COL9A1: variants seen among roughly 807,000 people sequenced by gnomAD.
COL9A1 encodes the protein collagen type IX alpha 1 chain.
COL9A1 carries 104 observed loss-of-function variants against 142.6 expected under a neutral mutation model. That is an observed-to-expected ratio of 0.73 (90% CI 0.62 to 0.86). The LOEUF is 0.86. Among genes scored for constraint, COL9A1 ranks in the 40% least tolerant of loss-of-function variants. The pLI is 0.00. For missense variants in COL9A1, 1,210 were observed against 1,176.6 expected (o/e 1.03, Z -0.42); for synonymous variants, 466 against 396.0 (o/e 1.18, Z -2.10).
At chr6:70,215,078 TTTAA>T (rs1316338014), downstream of COL9A1, 1 of 152,206 alleles carries the variant, frequency 6.6e-6, no homozygotes, top group Non-Finnish European at 1.5e-5. Flanking sequence ...TATGCCTTTA[TTTAA>T]TTATGTGTCA....
At chr6:70,272,841 C>T (rs2127591581) in intron 12 of COL9A1, among the ~76,000 whole-genome samples, 1 of 152,222 alleles carries the variant, frequency 6.6e-6, no homozygotes, top group East Asian at 1.9e-4. Context: ...TAATAATATG[C>T]TCGTTGAAAT....
intron 4 of COL9A1, among the ~76,000 whole-genome samples, chr6:70,298,659 T>C (rs960817): frequency 4.0e-4 from 61 of 152,172 alleles, no homozygotes; most frequent in Non-Finnish European, 4.0e-4. Flanking sequence ...AATCAATCTC[T>C]GAACTTAAGA....
intron 6 of COL9A1, 145 bp from the exon 7 acceptor site, chr6:70,283,063 C>T (rs1241962826): frequency 6.3e-7 from 1 of 1,588,694 alleles, no homozygotes; most frequent in Non-Finnish European, 8.5e-7. Flanking sequence ...GCCCGCCGCC[C>T]GCCGCTAATC....
At chr6:70,238,088 T>G (rs979653893) in intron 33 of COL9A1, among the ~76,000 whole-genome samples, 3 of 152,208 alleles carry the variant, frequency 2.0e-5, no homozygotes, top group Non-Finnish European at 2.9e-5. Flanking sequence ...AAGAATCTGA[T>G]TTTATTCTTA....
chr6:70,270,710 A>G (rs1562316804), intron 14 of COL9A1, among the ~76,000 whole-genome samples: 1 of 152,216 alleles, frequency 6.6e-6, no homozygotes. Flanking sequence ...GACCTAGAGC[A>G]ACCTATACTG....
intron 1 of COL9A1, among the ~76,000 whole-genome samples, chr6:70,302,488 A>G (rs1017895549): frequency 6.6e-6 from 1 of 152,082 alleles, no homozygotes; most frequent in Admixed American, 6.6e-5. Flanking sequence ...GATTACAAGC[A>G]TAAGCCACCG....
intron 5 of COL9A1, among the ~76,000 whole-genome samples, chr6:70,292,824 T>C (rs908658261): frequency 2.0e-5 from 3 of 152,188 alleles, no homozygotes; most frequent in African/African-American, 7.2e-5. Context: ...GCAAAGATCT[T>C]GCTGCACAGA....
chr6:70,283,488 C>T (rs1049964671), intron 6 of COL9A1, among the ~76,000 whole-genome samples: 1 of 152,166 alleles, frequency 6.6e-6, no homozygotes, highest in Admixed American at 6.5e-5. Context: ...CCATAAGCTA[C>T]CAAAGGGACA....
intron 4 of COL9A1, 70 bp from the exon 5 acceptor site, chr6:70,294,633 T>C: frequency 1.4e-6 from 2 of 1,467,324 alleles, no homozygotes; most frequent in Non-Finnish European, 1.9e-6. Flanking sequence ...CCACATTCCC[T>C]TTTGAGGCCA....
At chr6:70,221,733 A>T (rs533375129) in intron 37 of COL9A1, among the ~76,000 whole-genome samples, 9 of 152,308 alleles carry the variant, frequency 5.9e-5, no homozygotes, top group African/African-American at 2.2e-4. Flanking sequence ...TGAGTGCACA[A>T]AGAGGAAGTC....
chr6:70,229,048 A>G, intron 36 of COL9A1, among the ~76,000 whole-genome samples: 1 of 152,278 alleles, frequency 6.6e-6, no homozygotes, highest in East Asian at 1.9e-4. Context: ...TAAAAGCTAA[A>G]CTTGTTTGTA....
At chr6:70,258,504 G>C (rs534807272) in intron 20 of COL9A1, 19 of 152,312 alleles carry the variant, frequency 1.2e-4, no homozygotes, top group African/African-American at 4.6e-4. Flanking sequence ...GAAATTCTTT[G>C]ATCCCTAAAA....
intron 33 of COL9A1, among the ~76,000 whole-genome samples, chr6:70,236,144 T>G (rs1769895951): frequency 7.1e-6 from 1 of 140,782 alleles, no homozygotes; most frequent in Non-Finnish European, 1.5e-5. Context: ...AAAAAAAACT[T>G]GACCAAAGAA....
intron 5 of COL9A1, among the ~76,000 whole-genome samples, chr6:70,290,271 A>G (rs1372021487): frequency 3.3e-5 from 5 of 152,190 alleles, no homozygotes; most frequent in African/African-American, 4.8e-5. Context: ...CAAACAATAA[A>G]GAATCTGTCA....
chr6:70,274,956 TG>T lies in COL9A1; in HGVS notation c.976-185del, dbSNP rs1186449889. Reference sequence around the variant, plus strand: ...AGTAAAGATTAACAGAAGATCTGCCTGTTGTGATTATTTCTTCTTGATAAGT... The same window carrying T: ...AGTAAAGATTAACAGAAGATCTGCCTTTGTGATTATTTCTTCTTGATAAGT... On this transcript the variant is annotated intron_variant, in intron 10 of 37. Coordinates refer to ENST00000357250, the MANE Select transcript of COL9A1 (RefSeq NM_001851.6). 3 of 596,278 alleles carry T rather than the reference TG, an allele frequency of 5.0e-6. No homozygotes were observed. In the African/African-American group the frequency reaches 5.6e-5, roughly 11 times the overall value. 36.9% of individuals were successfully genotyped at this position (596,278 alleles called of 1,614,324 possible).
In COL9A1 at chr6:70,252,408, A is replaced by G. The variant is rs1375497195; in HGVS notation, c.1765-93T>C. ...CCAGACTGGGATCTCTTACATTTGA[A>G]TAGCATTAATTCCCTGCTTTCACAC... On this transcript the variant is annotated intron_variant, in intron 26 of 37. Transcript: ENST00000357250. 1.5e-5 allele frequency: 16 copies of G among 1,081,068 alleles called. No individual in the cohort carries two copies. The East Asian group carries it at 3.3e-4, about 23-fold the overall frequency. The allele number at this position is 1,081,068 out of a possible 1,614,324, so 67.0% of individuals were successfully genotyped here.
intron 37 of COL9A1, among the ~76,000 whole-genome samples, chr6:70,221,897 G>A (rs551388053): frequency 3.3e-5 from 5 of 152,230 alleles, no homozygotes; most frequent in African/African-American, 4.8e-5. Context: ...AACTGAAGGC[G>A]GGGGAGACTA....
chr6:70,290,090 C>T (rs1279715250), intron 5 of COL9A1, among the ~76,000 whole-genome samples: 1 of 152,052 alleles, frequency 6.6e-6, no homozygotes, highest in Non-Finnish European at 1.5e-5. Flanking sequence ...GGAATATGCT[C>T]AGGTAAAAAG....
At position 70,241,988 on chromosome 6, in the gene COL9A1, T is replaced by C; in HGVS notation, c.1974A>G (p.Gly658=). 6.3e-7 allele frequency: 1 copy of C among 1,598,538 alleles called. No homozygotes were observed. The highest frequency in any genetic ancestry group is 8.5e-7 in the Non-Finnish European group (1 of 1,171,474). Residue 658 remains glycine (G), a synonymous_variant, in exon 30 of 38, where the codon GGA becomes GGG. Transcript: ENST00000357250. The stretch of plus-strand genomic sequence containing the variant: ...CCCTGTCACCTTTCATTCCAGGAAG[T>C]CCAGGGGGCCCAGGCAAGCCAGGGA... ...PGLPGLPGPP[G]LPGMKGDRGV... is the part of the protein sequence containing the mutation.
Sources: allele counts gnomAD v4.1 joint callset (sites outside exome capture counted in the v4.1 genomes callset), GRCh38; gene constraint gnomAD v4.1.1; transcripts MANE v1.5; gene names NCBI Gene and HGNC (gene_info 2026-07-23, HGNC 2026-07-21).